Variants in SLC25A36 observed in about 807,000 individuals in gnomAD.
SLC25A36 encodes the protein solute carrier family 25 member 36.
A neutral mutation model predicts 35.3 loss-of-function variants in SLC25A36; 24 were observed. The ratio of observed to expected loss-of-function variants is 0.68; its 90% confidence interval spans 0.49 to 0.96. The LOEUF is 0.96. SLC25A36 is among the 40% of genes least tolerant of loss of function. The pLI, the probability that SLC25A36 is intolerant of heterozygous loss-of-function variation, is 0.00. For synonymous variants in SLC25A36, 141 were observed against 132.2 expected (o/e 1.07, Z -0.46); for missense variants, 294 against 381.1 (o/e 0.77, Z 1.90).
At chr3:140,957,650 A>G (rs1424625855) in intron 2 of SLC25A36, among the ~76,000 whole-genome samples, 1 of 152,152 alleles carries the variant, frequency 6.6e-6, no homozygotes, top group Non-Finnish European at 1.5e-5. Context: ...CTGAGGCAGG[A>G]GAATCACTTG....
intron 1 of SLC25A36, among the ~76,000 whole-genome samples, chr3:140,943,698 G>T (rs1286913735): frequency 6.6e-6 from 1 of 150,560 alleles, no homozygotes; most frequent in African/African-American, 2.5e-5. Flanking sequence ...TTAGGAGGTT[G>T]TATTATATGA....
chr3:140,969,928 AT>A (rs1054278768), intron 4 of SLC25A36, among the ~76,000 whole-genome samples: 45 of 152,036 alleles, frequency 3.0e-4, no homozygotes, highest in African/African-American at 1.0e-3. Context: ...TCTGCATATA[AT>A]TTTTTATTGA....
chr3:140,963,990 A>G (rs1393409059), intron 4 of SLC25A36: 2 of 151,950 alleles, frequency 1.3e-5, no homozygotes, highest in Non-Finnish European at 2.9e-5. Flanking sequence ...TTGATTTTCC[A>G]TTGAAAATTC....
chr3:140,957,250 A>G (rs1576480916), intron 2 of SLC25A36, among the ~76,000 whole-genome samples: 1 of 152,218 alleles, frequency 6.6e-6, no homozygotes. Context: ...GTATGTTTAT[A>G]CTTGTAAATA....
chr3:140,968,267 G>T (rs545708770), intron 4 of SLC25A36: 1 of 889,974 alleles, frequency 1.1e-6, no homozygotes, highest in Non-Finnish European at 1.3e-6. Flanking sequence ...AGTTTTTAGC[G>T]GTAAAGGGCT....
Position 140,976,615 on chromosome 3 carries a change from T to A in SLC25A36, c.*162T>A. Reference sequence around the variant, plus strand: ...AGGAATTATAGTAATCACACCACATTACTTGGCCTTTCGGTAATGTGAAAA... The same window carrying A: ...AGGAATTATAGTAATCACACCACATAACTTGGCCTTTCGGTAATGTGAAAA... On this transcript the variant is annotated 3_prime_UTR_variant, in exon 7 of 7. Coordinates refer to ENST00000324194, the MANE Select transcript of SLC25A36 (RefSeq NM_001104647.3). The A allele has an allele frequency of 2.3e-6, 1 of 428,358 alleles. No individual in the cohort carries two copies. Among genetic ancestry groups the A allele is most frequent in the Non-Finnish European group, 3.8e-6 (1 of 262,146 alleles). 26.5% of individuals were successfully genotyped at this position (428,358 alleles called of 1,614,324 possible). A position where few individuals can be genotyped will look rare whatever the true frequency, so the allele number is the denominator to read the frequency against.
Position 140,971,047 on chromosome 3 carries a change from T to A in SLC25A36, c.452+54T>A, listed in dbSNP as rs1432793164. The A allele has an allele frequency of 1.3e-5, 10 of 778,428 alleles. No individual in the cohort carries two copies. The East Asian group carries it at 2.5e-4, about 20-fold the overall frequency. 48.2% of individuals were successfully genotyped at this position (778,428 alleles called of 1,614,324 possible). ...TTAAAGTGGATTTAACTAATTTTTTTTCTACAAAGTTTTTCTTTCCTTTGC... is the reference window on the plus strand; with the variant it reads ...TTAAAGTGGATTTAACTAATTTTTTATCTACAAAGTTTTTCTTTCCTTTGC... On this transcript the variant is annotated intron_variant, in intron 5 of 6. Coordinates refer to ENST00000324194, the MANE Select transcript of SLC25A36 (RefSeq NM_001104647.3).
At position 140,952,999 on chromosome 3, in the gene SLC25A36, A is replaced by G. The variant is rs144784865; in HGVS notation, c.42-3528A>G. ...ACAAAGTAAATACACTAAACTGCTA[A>G]AAAGAAATCAGGCAAAGACAAATTG... On this transcript the variant is annotated intron_variant, in intron 1 of 6. Coordinates refer to ENST00000324194, the MANE Select transcript of SLC25A36 (RefSeq NM_001104647.3). 3.6e-3 allele frequency among the ~76,000 whole-genome samples: 546 copies of G among 152,330 alleles called. 4 individuals carry two copies. Among genetic ancestry groups the G allele is most frequent in the African/African-American group, 0.013 (522 of 41,572 alleles).
rs570127613 is a variant in SLC25A36 at position 140,975,780 on chromosome 3, A to G, written c.743-480A>G. ...GCAGCTAGTGTTTGGAACATTGTCAACTTCTTTGTCCACATGATGTTTCAC... is the reference window on the plus strand; with the variant it reads ...GCAGCTAGTGTTTGGAACATTGTCAGCTTCTTTGTCCACATGATGTTTCAC... On this transcript the variant is annotated intron_variant, in intron 6 of 6. Transcript: ENST00000324194. Among the ~76,000 whole-genome samples, 5 of 152,294 alleles carry G rather than the reference A, an allele frequency of 3.3e-5. No individual in the cohort carries two copies. The South Asian group carries it at 1.0e-3, about 32-fold the overall frequency.
rs1226503560 is a variant in SLC25A36 at position 140,978,492 on chromosome 3, C to T, written c.*2039C>T. ...CTCCCTAGTCTTACTGATCTCAGTA[C>T]CCCACAAATGATTAAGAATGATATG... On this transcript the variant is annotated 3_prime_UTR_variant, in exon 7 of 7. Coordinates refer to ENST00000324194, the MANE Select transcript of SLC25A36 (RefSeq NM_001104647.3). The T allele has an allele frequency of 6.6e-6, 1 of 152,114 alleles. No individual in the cohort carries two copies. The highest frequency in any genetic ancestry group is 1.5e-5 in the Non-Finnish European group (1 of 68,018). 9.4% of individuals were successfully genotyped at this position (152,114 alleles called of 1,614,324 possible). A position where few individuals can be genotyped will look rare whatever the true frequency, so the allele number is the denominator to read the frequency against.
intron 3 of SLC25A36, 71 bp downstream of exon 3, chr3:140,959,611 T>C: frequency 1.6e-6 from 1 of 640,826 alleles, no homozygotes; most frequent in Non-Finnish European, 2.5e-6. Flanking sequence ...CTGGATTTAA[T>C]CATTTATAGA....
intron 2 of SLC25A36, among the ~76,000 whole-genome samples, chr3:140,958,093 C>T (rs527820097): frequency 6.6e-6 from 1 of 152,156 alleles, no homozygotes; most frequent in South Asian, 2.1e-4. Context: ...ATTTCAGGGT[C>T]GTAGGGTTAT....
At chr3:140,955,037 G>A (rs1161307514) in intron 1 of SLC25A36, among the ~76,000 whole-genome samples, 1 of 151,866 alleles carries the variant, frequency 6.6e-6, no homozygotes, top group Non-Finnish European at 1.5e-5. Context: ...GAGGTAAGGG[G>A]CATGTTTTTT....
At chr3:140,961,348 T>C (rs751237484) in intron 3 of SLC25A36, among the ~76,000 whole-genome samples, 3 of 152,150 alleles carry the variant, frequency 2.0e-5, no homozygotes, top group Non-Finnish European at 4.4e-5. Context: ...CATGATAATA[T>C]GTGGGGTGAT....
At chr3:140,966,927 A>G (rs1368273066) in intron 4 of SLC25A36, 1 of 456,280 alleles carries the variant, frequency 2.2e-6, no homozygotes, top group Non-Finnish European at 4.4e-6. Flanking sequence ...GCCTGTGTCT[A>G]TTTTAGGCAT....
At chr3:140,964,450 A>G (rs1232573593) in intron 4 of SLC25A36, 3 of 151,902 alleles carry the variant, frequency 2.0e-5, no homozygotes, top group Admixed American at 2.0e-4. Flanking sequence ...AGTGGTCTAC[A>G]TAGATTTGGA....
chr3:140,956,718 T>C (rs748535522), intron 2 of SLC25A36, 27 bp downstream of exon 2: 2 of 1,552,570 alleles, frequency 1.3e-6, no homozygotes, highest in East Asian at 4.6e-5. Flanking sequence ...CAGGAGTGTT[T>C]TTTAGTTTGT....
chr3:140,945,349 A>G, intron 1 of SLC25A36, among the ~76,000 whole-genome samples: 1 of 152,204 alleles, frequency 6.6e-6, no homozygotes, highest in East Asian at 1.9e-4. Flanking sequence ...AAACATTCAG[A>G]CATCCTCCTT....
chr3:140,958,409 G>C (rs980622465), intron 2 of SLC25A36, among the ~76,000 whole-genome samples: 3 of 152,040 alleles, frequency 2.0e-5, no homozygotes, highest in African/African-American at 7.2e-5. Flanking sequence ...TTGTTAATAT[G>C]GTCTGTTAAT....
Sources: gnomAD v4.1 joint callset for allele counts (sites outside exome capture counted in the v4.1 genomes callset) on GRCh38, gnomAD v4.1.1 for gene constraint, MANE v1.5 for transcripts, NCBI Gene and HGNC (gene_info 2026-07-23, HGNC 2026-07-21) for gene names.